The following TAOK3 variants were observed in gnomAD, a reference collection of about 807,000 sequenced individuals.
The protein encoded by TAOK3 is serine/threonine-protein kinase TAO3.
A neutral mutation model predicts 120.4 loss-of-function variants in TAOK3; 40 were observed. The ratio of observed to expected loss-of-function variants is 0.33; its 90% CI spans 0.26 to 0.43. The LOEUF (loss-of-function observed/expected upper bound fraction) is 0.43, where lower values mean the gene tolerates loss of function less well. Ranked by LOEUF, TAOK3 falls within the 20% of genes least tolerant of loss-of-function variation. TAOK3 has a pLI of 1.00. For missense variants in TAOK3, 821 were observed against 1,112.1 expected (o/e 0.74, Z 3.72); for synonymous variants, 355 against 387.5 (o/e 0.92, Z 0.99).
At chr12:118,203,309 T>C (rs2038125267) in intron 11 of TAOK3, among the ~76,000 whole-genome samples, 1 of 152,152 alleles carries the variant, frequency 6.6e-6, no homozygotes, top group South Asian at 2.1e-4. Flanking sequence ...AGTCCATAAA[T>C]TAATCTTGAT....
rs1361287858 is a variant in TAOK3 at position 118,349,718 on chromosome 12, T to C, written c.-194+22930A>G. 4.6e-5 allele frequency among the ~76,000 whole-genome samples: 7 copies of C among 152,316 alleles called. No individual in the cohort carries two copies. In the South Asian group the frequency reaches 6.2e-4, roughly 14 times the overall value. On this transcript the variant is annotated intron_variant, in intron 1 of 20. Coordinates refer to ENST00000392533, the MANE Select transcript of TAOK3 (RefSeq NM_016281.4). ...CAACATCACAAATATACTAAAAACC[T>C]GAATTTCATAATTTAAAAAGGTAAG...
chr12:118,322,330 A>G (rs1478216379), intron 1 of TAOK3, among the ~76,000 whole-genome samples: 3 of 151,766 alleles, frequency 2.0e-5, no homozygotes, highest in Non-Finnish European at 4.4e-5. Flanking sequence ...AAAAAAAAAA[A>G]AAAAATTGAA....
chr12:118,353,846 A>G (rs185374356), intron 1 of TAOK3, among the ~76,000 whole-genome samples: 354 of 152,344 alleles, frequency 2.3e-3, no homozygotes, highest in African/African-American at 7.0e-3. Context: ...CACTAAAAGT[A>G]TATTCACAAC....
At chr12:118,351,192 A>T (rs950853950) in intron 1 of TAOK3, among the ~76,000 whole-genome samples, 14 of 151,598 alleles carry the variant, frequency 9.2e-5, no homozygotes, top group Admixed American at 2.6e-4. Context: ...AAAATAAATT[A>T]AAAAAAAATC....
chr12:118,359,087 A>G (rs2045506686), intron 1 of TAOK3: 1 of 152,186 alleles, frequency 6.6e-6, no homozygotes, highest in Non-Finnish European at 1.5e-5. Context: ...AGTTATAAGA[A>G]CACCCCAGGC....
At chr12:118,329,299 G>C (rs1038671818) in intron 1 of TAOK3, among the ~76,000 whole-genome samples, 2 of 152,124 alleles carry the variant, frequency 1.3e-5, no homozygotes, top group East Asian at 3.8e-4. Flanking sequence ...TAGTGACTTG[G>C]TTGCTAGAGT....
chr12:118,200,534 T>C (rs1186695218), intron 12 of TAOK3: 1 of 152,224 alleles, frequency 6.6e-6, no homozygotes, highest in African/African-American at 2.4e-5. Flanking sequence ...ACTCCAGTAA[T>C]CTACTATTCA....
intron 14 of TAOK3, among the ~76,000 whole-genome samples, chr12:118,182,048 G>A (rs1013567290): frequency 2.6e-5 from 4 of 152,072 alleles, no homozygotes; most frequent in Non-Finnish European, 5.9e-5. Flanking sequence ...AGCCAGGCAT[G>A]GTGGTGGGCA....
Position 118,238,128 on chromosome 12 carries a change from T to C in TAOK3, c.382A>G (p.Thr128Ala), listed in dbSNP as rs753748513. 5.0e-6 allele frequency: 8 copies of C among 1,612,246 alleles called. No homozygotes were observed. Among genetic ancestry groups the C allele is most frequent in the Non-Finnish European group, 6.8e-6 (8 of 1,179,062 alleles). Residue 128 changes from threonine (T) to alanine (A), a missense_variant, in exon 7 of 21, where the codon ACT becomes GCT. Coordinates refer to ENST00000392533, the MANE Select transcript of TAOK3 (RefSeq NM_016281.4). ...PLQEVEIAAI[T>A]HGALHGLAYL... ...GCTAGTCCATGCAAGGCTCCATGAGTAATGGCAGCGATCTCCACTTCCTGA... is the reference window on the plus strand; with the variant it reads ...GCTAGTCCATGCAAGGCTCCATGAGCAATGGCAGCGATCTCCACTTCCTGA...
chr12:118,257,108 T>A (rs1185874601), intron 2 of TAOK3, among the ~76,000 whole-genome samples: 2 of 152,220 alleles, frequency 1.3e-5, no homozygotes, highest in East Asian at 3.8e-4. Context: ...AAGACTTTGA[T>A]GGGCTAAACT....
At position 118,157,396 on chromosome 12, in the gene TAOK3, C is replaced by T. The variant is rs185887068; in HGVS notation, c.2352+2750G>A. Among the ~76,000 whole-genome samples the T allele has an allele frequency of 1.8e-3, 275 of 152,320 alleles. 3 individuals are homozygous for T. The highest frequency in any genetic ancestry group is 5.8e-3 in the South Asian group (28 of 4,826). Reference sequence around the variant, plus strand: ...AATTCTTAACAAAGCCTGAAAGCCCCTACGTGACCCAGCCTGTTTACCCCT... The same window carrying T: ...AATTCTTAACAAAGCCTGAAAGCCCTTACGTGACCCAGCCTGTTTACCCCT... On this transcript the variant is annotated intron_variant, in intron 19 of 20. Transcript: ENST00000392533.
At chr12:118,241,381 ATAATTTTC>A (rs2040244080) in intron 5 of TAOK3, among the ~76,000 whole-genome samples, 1 of 152,150 alleles carries the variant, frequency 6.6e-6, no homozygotes, top group Non-Finnish European at 1.5e-5. Context: ...ATTTTATTAC[ATAATTTTC>A]TAATTTTTAA....
chr12:118,228,673 T>G (rs750368486), intron 9 of TAOK3, among the ~76,000 whole-genome samples: 1 of 152,228 alleles, frequency 6.6e-6, no homozygotes, highest in African/African-American at 2.4e-5. Flanking sequence ...TTTAGGCTAG[T>G]TCTACCTTTT....
chr12:118,355,102 T>C (rs2045337694), intron 1 of TAOK3, among the ~76,000 whole-genome samples: 1 of 152,164 alleles, frequency 6.6e-6, no homozygotes, highest in African/African-American at 2.4e-5. Context: ...GAATGGTTTA[T>C]TTCTGCAATT....
Position 118,174,632 on chromosome 12 carries a change from G to A in TAOK3, c.1696-1972C>T, listed in dbSNP as rs114439148. On this transcript the variant is annotated intron_variant, in intron 16 of 20. Transcript: ENST00000392533. ...TCCAGTGGATGAGTGGACGCGTGGAGTTAGAAATAAGGAAGGTATCTATTT... is the reference window on the plus strand; with the variant it reads ...TCCAGTGGATGAGTGGACGCGTGGAATTAGAAATAAGGAAGGTATCTATTT... Among the ~76,000 whole-genome samples, 1,313 of 152,180 alleles carry A rather than the reference G, an allele frequency of 8.6e-3. 12 individuals are homozygous for A. The highest frequency in any genetic ancestry group is 0.029 in the African/African-American group (1,211 of 41,514).
At chr12:118,151,272 A>G (rs1377079219) in intron 20 of TAOK3, 114 bp from the exon 21 acceptor site, 1 of 954,864 alleles carries the variant, frequency 1.0e-6, no homozygotes, top group Non-Finnish European at 1.5e-6. Context: ...AGGCACACAC[A>G]TGAAGTGCGC....
chr12:118,211,629 T>A (rs1264959070), intron 11 of TAOK3, among the ~76,000 whole-genome samples: 1 of 121,806 alleles, frequency 8.2e-6, no homozygotes, highest in African/African-American at 3.1e-5. Context: ...TTTTTTTTTT[T>A]AAAGAGATGG....
At chr12:118,369,957 C>A (rs971553964) in intron 1 of TAOK3, among the ~76,000 whole-genome samples, 1 of 152,184 alleles carries the variant, frequency 6.6e-6, no homozygotes, top group Non-Finnish European at 1.5e-5. Flanking sequence ...TCACTGCAAC[C>A]TCTGACTCCT....
rs374452513 is a variant in TAOK3, at chr12:118,201,450, C to T, written c.833G>A (p.Arg278Gln). The change falls in exon 12 of 21, where the codon CGA becomes CAA. Residue 278 changes from arginine (R) to glutamine (Q), a missense_variant. By Grantham distance (43) the Arg-to-Gln change is conservative (BLOSUM62 1). Around this residue, in one of 2 missense-constraint regions of TAOK3, gnomAD observed 467 missense variants for 540.0 expected, o/e 0.86. Coordinates refer to ENST00000392533, the MANE Select transcript of TAOK3 (RefSeq NM_016281.4). The part of the protein sequence containing the change: ...SAELLRHDFV[R>Q]RDRPLRVLID... ...GAGGACACGTAGTGGCCGGTCTCGTCGAACAAAGTCATGCTGATTGAGGGA... is the reference window on the plus strand; with the variant it reads ...GAGGACACGTAGTGGCCGGTCTCGTTGAACAAAGTCATGCTGATTGAGGGA... The T allele has an allele frequency of 3.6e-5, 58 of 1,608,150 alleles. No homozygotes were observed. The highest frequency in any genetic ancestry group is 6.8e-5 in the Admixed American group (4 of 58,978).
Sources: allele counts gnomAD v4.1 joint callset (sites outside exome capture counted in the v4.1 genomes callset), GRCh38; gene constraint gnomAD v4.1.1; regional missense constraint gnomAD v4.1.1; transcripts MANE v1.5; gene names NCBI Gene and HGNC (gene_info 2026-07-23, HGNC 2026-07-21).